GRIN2B: variants seen among roughly 807,000 people sequenced by gnomAD.
The protein encoded by GRIN2B is glutamate ionotropic receptor NMDA type subunit 2B, also known as glutamate receptor ionotropic, NMDA 2B.
In GRIN2B, 5 loss-of-function variants were observed where a neutral mutation model predicts 114.5. The ratio of observed to expected loss-of-function variants is 0.04; its 90% CI spans 0.02 to 0.09. The LOEUF (loss-of-function observed/expected upper bound fraction) is 0.09. Among genes scored for constraint, GRIN2B ranks in the 10% least tolerant of loss-of-function variants. The pLI, the probability that GRIN2B is intolerant of heterozygous loss-of-function variation, is 1.00. For synonymous variants in GRIN2B, 787 were observed against 745.1 expected (o/e 1.06, Z -0.92); for missense variants, 1,108 against 1,943.5 (o/e 0.57, Z 8.08).
chr12:13,758,601 G>A (rs1246835280), intron 3 of GRIN2B, among the ~76,000 whole-genome samples: 1 of 152,190 alleles, frequency 6.6e-6, no homozygotes, highest in African/African-American at 2.4e-5. Flanking sequence ...GTCACTGTAA[G>A]CATTCAAACA....
At chr12:13,872,500 TA>T (rs1865928235) in intron 2 of GRIN2B, among the ~76,000 whole-genome samples, 1 of 152,188 alleles carries the variant, frequency 6.6e-6, no homozygotes, top group African/African-American at 2.4e-5. Context: ...GTATATTTTT[TA>T]AATAGTAATC....
intron 3 of GRIN2B, among the ~76,000 whole-genome samples, chr12:13,817,518 G>A (rs1018312343): frequency 5.9e-5 from 9 of 152,034 alleles, no homozygotes; most frequent in African/African-American, 2.2e-4. Context: ...AATAAACTTG[G>A]GACATTAATT....
chr12:13,581,800 C>T (rs1332069836), intron 10 of GRIN2B, among the ~76,000 whole-genome samples: 1 of 151,524 alleles, frequency 6.6e-6, no homozygotes, highest in Non-Finnish European at 1.5e-5. Flanking sequence ...GTCCCAGCTA[C>T]TCGGGAGGCT....
At chr12:13,692,224 T>G (rs1172609597) in intron 4 of GRIN2B, among the ~76,000 whole-genome samples, 1 of 152,068 alleles carries the variant, frequency 6.6e-6, no homozygotes, top group African/African-American at 2.4e-5. Flanking sequence ...GAAAACATTA[T>G]TGGGCAGGTA....
At chr12:13,577,806 G>GA (rs1225980815) in intron 10 of GRIN2B, among the ~76,000 whole-genome samples, 1 of 152,142 alleles carries the variant, frequency 6.6e-6, no homozygotes. Flanking sequence ...ATACAAAGAT[G>GA]AAAAAAATCA....
chr12:13,801,741 A>G (rs1565542532), intron 3 of GRIN2B, among the ~76,000 whole-genome samples: 1 of 152,180 alleles, frequency 6.6e-6, no homozygotes, highest in African/African-American at 2.4e-5. Flanking sequence ...GGAGCTGTCC[A>G]GCATTCAGCC....
chr12:13,887,874 G>C (rs1218556790), intron 2 of GRIN2B, among the ~76,000 whole-genome samples: 1 of 152,182 alleles, frequency 6.6e-6, no homozygotes, highest in Admixed American at 6.5e-5. Flanking sequence ...TCTAAAATGG[G>C]AAGAAAACTG....
chr12:13,721,860 A>G (rs1032698710), intron 4 of GRIN2B, among the ~76,000 whole-genome samples: 1 of 152,152 alleles, frequency 6.6e-6, no homozygotes, highest in Admixed American at 6.6e-5. Flanking sequence ...GGCCGCGAAC[A>G]TTTAGTGGTG....
chr12:13,718,896 A>G (rs1950483013), intron 4 of GRIN2B, among the ~76,000 whole-genome samples: 1 of 152,072 alleles, frequency 6.6e-6, no homozygotes, highest in South Asian at 2.1e-4. Flanking sequence ...CCACTTGCAC[A>G]GGGACTAAAG....
At chr12:13,821,163 G>A (rs1355751539) in intron 3 of GRIN2B, among the ~76,000 whole-genome samples, 1 of 151,776 alleles carries the variant, frequency 6.6e-6, no homozygotes, top group Non-Finnish European at 1.5e-5. Context: ...TTCCCGCTCT[G>A]TCCCCTACCC....
intron 3 of GRIN2B, among the ~76,000 whole-genome samples, chr12:13,781,937 G>A (rs1864123165): frequency 6.6e-6 from 1 of 152,114 alleles, no homozygotes; most frequent in Non-Finnish European, 1.5e-5. Flanking sequence ...TAAAATATAA[G>A]CAAATTGAGT....
chr12:13,749,050 G>T (rs373841331), intron 4 of GRIN2B, among the ~76,000 whole-genome samples: 5 of 152,320 alleles, frequency 3.3e-5, no homozygotes, highest in African/African-American at 1.2e-4. Flanking sequence ...AACAGGCCAA[G>T]CTTCAAGGAG....
intron 10 of GRIN2B, among the ~76,000 whole-genome samples, chr12:13,605,562 C>CACACAT (rs1949235092): frequency 6.7e-6 from 1 of 149,560 alleles, no homozygotes; most frequent in Non-Finnish European, 1.5e-5. Flanking sequence ...GACACACACA[C>CACACAT]ACACACACAC....
chr12:13,625,755 C>T (rs1434420107), intron 5 of GRIN2B, among the ~76,000 whole-genome samples: 2 of 152,094 alleles, frequency 1.3e-5, no homozygotes, highest in Non-Finnish European at 2.9e-5. Context: ...TATTTTCATT[C>T]ACGTGCAAAT....
intron 2 of GRIN2B, among the ~76,000 whole-genome samples, chr12:13,917,494 G>A (rs940999894): frequency 6.6e-6 from 1 of 152,122 alleles, no homozygotes; most frequent in African/African-American, 2.4e-5. Flanking sequence ...AATGTCAGGA[G>A]GCTAAAAGCA....
At chr12:13,752,524 A>T (rs1863499529) in intron 4 of GRIN2B, among the ~76,000 whole-genome samples, 1 of 152,224 alleles carries the variant, frequency 6.6e-6, no homozygotes, top group Non-Finnish European at 1.5e-5. Flanking sequence ...GAATTTTTAT[A>T]ATGTACTTAC....
At chr12:13,901,373 T>C (rs1007302059) in intron 2 of GRIN2B, among the ~76,000 whole-genome samples, 19 of 152,272 alleles carry the variant, frequency 1.2e-4, no homozygotes, top group African/African-American at 3.8e-4. Context: ...TTATACATTA[T>C]GGATACTTTA....
intron 4 of GRIN2B, among the ~76,000 whole-genome samples, chr12:13,726,710 T>C (rs1464736728): frequency 6.6e-6 from 1 of 151,834 alleles, no homozygotes; most frequent in African/African-American, 2.4e-5. Flanking sequence ...ACATGGTATT[T>C]GGTTACATAA....
At chr12:13,723,554 G>GATTAA (rs1862918936) in intron 4 of GRIN2B, among the ~76,000 whole-genome samples, 1 of 151,542 alleles carries the variant, frequency 6.6e-6, no homozygotes, top group East Asian at 1.9e-4. Context: ...TAAGATAACT[G>GATTAA]GCATTAGGAG....
Sources: allele counts gnomAD v4.1 joint callset (sites outside exome capture counted in the v4.1 genomes callset), GRCh38; gene constraint gnomAD v4.1.1; transcripts MANE v1.5; gene names NCBI Gene and HGNC (gene_info 2026-07-23, HGNC 2026-07-21).